ANK3: variants seen among roughly 807,000 people sequenced by gnomAD.
The protein encoded by ANK3 is ankyrin 3, also known as ankyrin-3.
Under a neutral mutation model 370.9 loss-of-function variants are expected in ANK3, and 57 were observed. The observed-to-expected ratio is 0.15, with a 90% CI of 0.12 to 0.19. ANK3 has a LOEUF of 0.19. Among genes scored for constraint, ANK3 ranks in the 10% least tolerant of loss-of-function variants. The pLI, the probability that ANK3 is intolerant of heterozygous loss-of-function variation, is 1.00. For missense variants in ANK3, 4,439 were observed against 5,302.1 expected (o/e 0.84, Z 5.06); for synonymous variants, 1,929 against 1,946.3 (o/e 0.99, Z 0.23).
intron 1 of ANK3, among the ~76,000 whole-genome samples, chr10:60,637,793 C>A (rs1169814671): frequency 6.6e-6 from 1 of 152,144 alleles, no homozygotes; most frequent in Non-Finnish European, 1.5e-5. Context: ...ATTCCTATTT[C>A]TAACCCTAAA....
intron 2 of ANK3, among the ~76,000 whole-genome samples, chr10:60,395,506 T>C (rs1472838434): frequency 6.6e-6 from 1 of 151,892 alleles, no homozygotes; most frequent in Non-Finnish European, 1.5e-5. Context: ...AAGGCAGGTG[T>C]TTCATCAAAC....
At chr10:60,544,283 C>G (rs1338169498) in intron 2 of ANK3, among the ~76,000 whole-genome samples, 1 of 152,060 alleles carries the variant, frequency 6.6e-6, no homozygotes, top group East Asian at 1.9e-4. Flanking sequence ...CCCTTTAACT[C>G]AACAGACTAT....
At chr10:60,176,746 C>A (rs1057161287) in intron 18 of ANK3, among the ~76,000 whole-genome samples, 1 of 151,756 alleles carries the variant, frequency 6.6e-6, no homozygotes, top group Admixed American at 6.6e-5. Context: ...GTGACAAGAG[C>A]GAAACTTCGT....
chr10:60,581,574 G>T (rs2077753623), intron 2 of ANK3, among the ~76,000 whole-genome samples: 1 of 151,442 alleles, frequency 6.6e-6, no homozygotes, highest in South Asian at 2.1e-4. Context: ...ACAGGCACCT[G>T]CCACCATGCC....
intron 2 of ANK3, among the ~76,000 whole-genome samples, chr10:60,570,691 G>A (rs916291675): frequency 6.6e-6 from 1 of 152,160 alleles, no homozygotes; most frequent in Non-Finnish European, 1.5e-5. Context: ...AGAGGGTGAT[G>A]ATCAAAGCTT....
intron 6 of ANK3, among the ~76,000 whole-genome samples, chr10:60,263,516 C>T (rs758569838): frequency 3.3e-5 from 5 of 152,144 alleles, no homozygotes; most frequent in African/African-American, 4.8e-5. Flanking sequence ...TGTAATTTTT[C>T]GCCCTGATGT....
At chr10:60,078,721 G>A (rs536722040) in intron 36 of ANK3, among the ~76,000 whole-genome samples, 1 of 152,302 alleles carries the variant, frequency 6.6e-6, no homozygotes, top group Admixed American at 6.5e-5. Flanking sequence ...GGTTGGAAAG[G>A]CAGCGTGGTG....
intron 2 of ANK3, among the ~76,000 whole-genome samples, chr10:60,517,252 C>T (rs2076241576): frequency 6.6e-6 from 1 of 151,994 alleles, no homozygotes; most frequent in Admixed American, 6.6e-5. Flanking sequence ...TTAGTAGAGT[C>T]GAGGTTTCCC....
At chr10:60,538,642 A>G (rs2076777613) in intron 2 of ANK3, among the ~76,000 whole-genome samples, 3 of 151,906 alleles carry the variant, frequency 2.0e-5, no homozygotes, top group African/African-American at 7.2e-5. Context: ...ATGTAGAAAG[A>G]ATGCTCACAC....
chr10:60,197,120 G>A (rs985747681), intron 14 of ANK3, among the ~76,000 whole-genome samples: 2 of 152,088 alleles, frequency 1.3e-5, no homozygotes, highest in African/African-American at 2.4e-5. Context: ...TTCTTTCCCC[G>A]TTTCTCCATG....
chr10:60,524,098 G>A (rs916116661), intron 2 of ANK3, among the ~76,000 whole-genome samples: 5 of 151,988 alleles, frequency 3.3e-5, no homozygotes, highest in African/African-American at 1.2e-4. Flanking sequence ...TACCATCTAA[G>A]TTATCTCTAG....
At chr10:60,317,880 A>T (rs550284308) in intron 1 of ANK3, among the ~76,000 whole-genome samples, 360 of 151,600 alleles carry the variant, frequency 2.4e-3, no homozygotes, top group African/African-American at 8.5e-3. Context: ...TGCCCAGCTA[A>T]TTTTTTTTGT....
intron 1 of ANK3, among the ~76,000 whole-genome samples, chr10:60,376,455 T>A (rs1594752302): frequency 7.9e-6 from 1 of 126,980 alleles, no homozygotes; most frequent in Admixed American, 7.6e-5. Context: ...GGCTATATAA[T>A]TATTTGAATC....
chr10:60,548,392 G>GT (rs890062839), intron 2 of ANK3, among the ~76,000 whole-genome samples: 12 of 150,762 alleles, frequency 8.0e-5, no homozygotes, highest in Non-Finnish European at 1.3e-4. Context: ...GTGTGTGCGT[G>GT]TTTTTTTTGT....
chr10:60,509,343 T>C (rs1275461315), intron 2 of ANK3, among the ~76,000 whole-genome samples: 2 of 152,170 alleles, frequency 1.3e-5, no homozygotes, highest in Non-Finnish European at 2.9e-5. Context: ...ATTTTACATG[T>C]ACAAATTCAC....
intron 1 of ANK3, among the ~76,000 whole-genome samples, chr10:60,635,406 T>TA (rs1022666522): frequency 3.9e-5 from 6 of 151,930 alleles, no homozygotes; most frequent in Non-Finnish European, 7.4e-5. Flanking sequence ...CAAACATGCC[T>TA]AAAAAAAATC....
chr10:60,334,374 C>T (rs1181225168), intron 1 of ANK3, among the ~76,000 whole-genome samples: 1 of 152,120 alleles, frequency 6.6e-6, no homozygotes, highest in East Asian at 1.9e-4. Flanking sequence ...ATCCTCCCTT[C>T]CCCCCGCACC....
At chr10:60,465,657 C>G (rs751101592) in intron 2 of ANK3, among the ~76,000 whole-genome samples, 1 of 152,132 alleles carries the variant, frequency 6.6e-6, no homozygotes, top group Non-Finnish European at 1.5e-5. Flanking sequence ...CAGGATTCTT[C>G]CCTTTGTTAG....
chr10:60,288,096 C>T (rs1422507147), intron 1 of ANK3, among the ~76,000 whole-genome samples: 2 of 152,120 alleles, frequency 1.3e-5, no homozygotes, highest in African/African-American at 4.8e-5. Flanking sequence ...CCTCAACTGC[C>T]CCCTATAATT....
Sources: gnomAD v4.1 joint callset for allele counts (sites outside exome capture counted in the v4.1 genomes callset) on GRCh38, gnomAD v4.1.1 for gene constraint, MANE v1.5 for transcripts, NCBI Gene and HGNC (gene_info 2026-07-23, HGNC 2026-07-21) for gene names.